SH3PXD2A: variants seen among roughly 807,000 people sequenced by gnomAD.
SH3PXD2A encodes the protein SH3 and PX domain-containing protein 2A.
In SH3PXD2A, 32 loss-of-function variants were observed where a neutral mutation model predicts 115.2. The observed-to-expected ratio is 0.28, with a 90% CI of 0.21 to 0.37. The LOEUF is 0.37. Ranked by LOEUF, SH3PXD2A falls within the 10% of genes least tolerant of loss-of-function variation. The pLI is 1.00. For synonymous variants in SH3PXD2A, 610 were observed against 629.1 expected (o/e 0.97, Z 0.45); for missense variants, 1,328 against 1,498.7 (o/e 0.89, Z 1.88).
In SH3PXD2A at chr10:103,701,047, CCATCCATCCATCCAT is replaced by C. The variant is rs1277925632; in HGVS notation, c.399-8006_399-7992del. On this transcript the variant is annotated intron_variant, in intron 5 of 14. Coordinates refer to ENST00000369774, the MANE Select transcript of SH3PXD2A (RefSeq NM_001394015.1). ...ATCCATCCATCCATCCATCCACCAT[CCATCCATCCATCCAT>C]CATCCATCCATCCATCCATCATCCA... 7.4e-4 allele frequency among the ~76,000 whole-genome samples: 2 copies of C among 2,692 alleles called. 1 individual carries two copies. Among genetic ancestry groups the C allele is most frequent in the Non-Finnish European group, 1.1e-3 (2 of 1,760 alleles). The allele number at this position is 2,692 out of a possible 152,430, so 1.8% of individuals were successfully genotyped here.
chr10:103,705,639 G>C (rs538169164), intron 5 of SH3PXD2A, among the ~76,000 whole-genome samples: 1 of 152,284 alleles, frequency 6.6e-6, no homozygotes, highest in South Asian at 2.1e-4. Flanking sequence ...AGGCCAACCT[G>C]GCTCAGTCTA....
rs542176343 is a variant in SH3PXD2A at position 103,620,691 on chromosome 10, C to T, written c.802+1779G>A. On this transcript the variant is annotated intron_variant, in intron 10 of 14. Coordinates refer to ENST00000369774, the MANE Select transcript of SH3PXD2A (RefSeq NM_001394015.1). The surrounding 1 kb of genome is among the most constrained non-coding windows in gnomAD (Gnocchi z 5.3). ...TTAGCCCATCAGGCTGAGGCTGGGA[C>T]ATTATGTTGTTTAGGTCTCTTATTT... Among the ~76,000 whole-genome samples the T allele has an allele frequency of 6.6e-6, 1 of 152,194 alleles. No individual in the cohort carries two copies. The highest frequency in any genetic ancestry group is 2.1e-4 in the South Asian group (1 of 4,818).
intron 3 of SH3PXD2A, among the ~76,000 whole-genome samples, chr10:103,762,138 C>T (rs765703418): frequency 1.1e-4 from 16 of 150,388 alleles, no homozygotes; most frequent in Non-Finnish European, 1.5e-4. Context: ...TCTCTCACCT[C>T]AGTCTCCCAA....
intron 5 of SH3PXD2A, among the ~76,000 whole-genome samples, chr10:103,708,282 G>A (rs569227202): frequency 1.3e-5 from 2 of 152,272 alleles, no homozygotes; most frequent in East Asian, 1.9e-4. Flanking sequence ...CTCAGCTCGG[G>A]TCCCCAAGCT....
intron 8 of SH3PXD2A, among the ~76,000 whole-genome samples, chr10:103,652,682 G>A (rs2037146323): frequency 6.6e-6 from 1 of 152,168 alleles, no homozygotes; most frequent in African/African-American, 2.4e-5. Flanking sequence ...AAAATGTGTG[G>A]GGTGATCTTT....
intron 2 of SH3PXD2A, among the ~76,000 whole-genome samples, chr10:103,767,810 G>GT (rs34903223): frequency 0.018 from 1,214 of 67,700 alleles, 18 homozygotes; most frequent in South Asian, 0.028. Context: ...CAACTGTTTT[G>GT]TTTTTTTTTT....
chr10:103,732,361 A>AAATTAATTTAT (rs1195306901), intron 4 of SH3PXD2A, among the ~76,000 whole-genome samples: 1 of 152,222 alleles, frequency 6.6e-6, no homozygotes, highest in Non-Finnish European at 1.5e-5. Flanking sequence ...GTTTCCGTTT[A>AAATTAATTTAT]AATTAATTTA....
At chr10:103,717,219 G>A (rs1480451433) in intron 5 of SH3PXD2A, among the ~76,000 whole-genome samples, 2 of 152,204 alleles carry the variant, frequency 1.3e-5, no homozygotes, top group African/African-American at 4.8e-5. Flanking sequence ...GAGGTGGGCA[G>A]TTCAATGTAT....
Position 103,721,440 on chromosome 10 carries a change from T to C in SH3PXD2A, c.398+2830A>G, listed in dbSNP as rs145417004. Reference sequence around the variant, plus strand: ...TGGTTTCCACTGTTCCTCAAGGGCCTCCTAGAGGTGGGCAAAAGGCTAACT... The same window carrying C: ...TGGTTTCCACTGTTCCTCAAGGGCCCCCTAGAGGTGGGCAAAAGGCTAACT... On this transcript the variant is annotated intron_variant, in intron 5 of 14. Coordinates refer to ENST00000369774, the MANE Select transcript of SH3PXD2A (RefSeq NM_001394015.1). Among the ~76,000 whole-genome samples the C allele has an allele frequency of 9.0e-3, 1,367 of 152,274 alleles. 11 individuals carry two copies. Among genetic ancestry groups the C allele is most frequent in the Middle Eastern group, 0.031 (9 of 294 alleles).
intron 8 of SH3PXD2A, among the ~76,000 whole-genome samples, chr10:103,643,044 C>T (rs960938169): frequency 2.6e-5 from 4 of 152,232 alleles, no homozygotes; most frequent in Non-Finnish European, 2.9e-5. Flanking sequence ...TAGGGCATTC[C>T]TCCCTCCAAA....
At chr10:103,739,471 G>C (rs2038419407) in intron 3 of SH3PXD2A, among the ~76,000 whole-genome samples, 2 of 151,794 alleles carry the variant, frequency 1.3e-5, no homozygotes, top group African/African-American at 4.8e-5. Context: ...GAGGGAGAGA[G>C]GGAGGGCCTG....
chr10:103,753,317 CAAAAAAAAAA>C (rs60364879), intron 3 of SH3PXD2A, among the ~76,000 whole-genome samples: 2,498 of 62,914 alleles, frequency 0.04, 109 homozygotes, highest in African/African-American at 0.14. Flanking sequence ...CTGCCTCTAC[CAAAAAAAAAA>C]AAAAAAAAAA....
chr10:103,843,987 C>T (rs191069754), intron 1 of SH3PXD2A, among the ~76,000 whole-genome samples: 1 of 152,364 alleles, frequency 6.6e-6, no homozygotes, highest in African/African-American at 2.4e-5. Context: ...CTTCCCCTGC[C>T]TGGGAGCTGC....
intron 8 of SH3PXD2A, among the ~76,000 whole-genome samples, chr10:103,645,059 T>TTCCCCTGAC (rs1396625840): frequency 1.3e-5 from 2 of 152,192 alleles, no homozygotes; most frequent in African/African-American, 2.4e-5. Context: ...CTTTGTGATG[T>TTCCCCTGAC]TCCCCTGACT....
intron 1 of SH3PXD2A, among the ~76,000 whole-genome samples, chr10:103,807,465 C>T (rs953535685): frequency 3.9e-5 from 6 of 152,232 alleles, no homozygotes. Flanking sequence ...AACTCAATGG[C>T]AATCTTCCTT....
chr10:103,601,611 A>C lies in SH3PXD2A; in HGVS notation c.*205T>G. On this transcript the variant is annotated 3_prime_UTR_variant, in exon 15 of 15. Transcript: ENST00000369774. ...CCCTGGTCCATTCCCTTCCTCACTCAGTGTGGGCACCCCCATCCCCTACCT... is the reference window on the plus strand; with the variant it reads ...CCCTGGTCCATTCCCTTCCTCACTCCGTGTGGGCACCCCCATCCCCTACCT... 7 of 490,424 alleles carry C rather than the reference A, an allele frequency of 1.4e-5. No homozygotes were observed. Among genetic ancestry groups the C allele is most frequent in the East Asian group, 7.5e-5 (2 of 26,630 alleles). 30.4% of individuals were successfully genotyped at this position (490,424 alleles called of 1,614,324 possible). A position where few individuals can be genotyped will look rare whatever the true frequency, so the allele number is the denominator to read the frequency against.
rs2036123930 is a variant in SH3PXD2A, at chr10:103,595,733, A to G, written c.*6083T>C. 1 of 152,670 alleles carries G rather than the reference A, an allele frequency of 6.6e-6. No individual in the cohort carries two copies. The highest frequency in any genetic ancestry group is 2.1e-4 in the South Asian group (1 of 4,830). 9.5% of individuals were successfully genotyped at this position (152,670 alleles called of 1,614,324 possible). A position where few individuals can be genotyped will look rare whatever the true frequency, so the allele number is the denominator to read the frequency against. ...TGTCAAGGTTAAGTGCAAACTTGAG[A>G]TTTTAAAAAGACAGGATTGGGGAAG... On this transcript the variant is annotated 3_prime_UTR_variant, in exon 15 of 15. Coordinates refer to ENST00000369774, the MANE Select transcript of SH3PXD2A (RefSeq NM_001394015.1).
rs574664395 is a variant in SH3PXD2A, at chr10:103,848,995, G to A, written c.72+6200C>T. Among the ~76,000 whole-genome samples, 5 of 122,064 alleles carry A rather than the reference G, an allele frequency of 4.1e-5. No homozygotes were observed. The South Asian group carries it at 1.3e-3, about 33-fold the overall frequency. 80.1% of individuals were successfully genotyped at this position (122,064 alleles called of 152,430 possible). ...TTTTTTTTACTGATGAGGAAACTGA[G>A]GCTCAGAGACATAAGTAACTTGCAC... On this transcript the variant is annotated intron_variant, in intron 1 of 14. Coordinates refer to ENST00000369774, the MANE Select transcript of SH3PXD2A (RefSeq NM_001394015.1).
intron 3 of SH3PXD2A, among the ~76,000 whole-genome samples, chr10:103,751,573 C>A (rs1005072938): frequency 6.6e-6 from 1 of 152,128 alleles, no homozygotes; most frequent in Non-Finnish European, 1.5e-5. Flanking sequence ...CCCTGTTAAC[C>A]AAGATAAAAT....
Sources: gnomAD v4.1 joint callset for allele counts (sites outside exome capture counted in the v4.1 genomes callset) on GRCh38, gnomAD v4.1.1 for gene constraint, Gnocchi (gnomAD v3.1) non-coding constraint, MANE v1.5 for transcripts, NCBI Gene and HGNC (gene_info 2026-07-23, HGNC 2026-07-21) for gene names.